STX8: variants seen among roughly 807,000 people sequenced by gnomAD.
STX8 encodes the protein syntaxin 8, also known as syntaxin-8.
In STX8, 23 loss-of-function variants were observed where a neutral mutation model predicts 37.5. The ratio of observed to expected loss-of-function variants is 0.61; its 90% CI spans 0.44 to 0.87. STX8 has a LOEUF of 0.87. Among genes scored for constraint, STX8 ranks in the 40% least tolerant of loss-of-function variants. The pLI, the probability that STX8 is intolerant of heterozygous loss-of-function variation, is 0.00. For synonymous variants in STX8, 115 were observed against 99.1 expected, an observed-to-expected ratio of 1.16 and a Z score of -0.95; for missense variants, 313 against 284.7, an observed-to-expected ratio of 1.10 and a Z score of -0.71.
intron 6 of STX8, among the ~76,000 whole-genome samples, chr17:9,465,268 T>G (rs1277770757): frequency 6.6e-6 from 1 of 152,122 alleles, no homozygotes; most frequent in African/African-American, 2.4e-5. Flanking sequence ...GTGTTATAGC[T>G]AAACAGAAAG....
intron 6 of STX8, among the ~76,000 whole-genome samples, chr17:9,430,112 TATAA>T (rs1377554551): frequency 4.0e-4 from 36 of 89,008 alleles, no homozygotes; most frequent in South Asian, 8.7e-4. Flanking sequence ...ATATTTTATA[TATAA>T]ATAAATATAA....
At chr17:9,296,379 T>A (rs1479769953) in intron 7 of STX8, among the ~76,000 whole-genome samples, 1 of 151,852 alleles carries the variant, frequency 6.6e-6, no homozygotes, top group Non-Finnish European at 1.5e-5. Flanking sequence ...GTGCCTGTAA[T>A]CCCAGCTACT....
intron 6 of STX8, among the ~76,000 whole-genome samples, chr17:9,433,319 C>G (rs772327596): frequency 6.6e-6 from 1 of 152,176 alleles, no homozygotes; most frequent in Non-Finnish European, 1.5e-5. Context: ...ATCAGCAAAA[C>G]GGAAATAGTA....
chr17:9,324,118 TCTCTCTCTCACA>T (rs1567783644), intron 7 of STX8, among the ~76,000 whole-genome samples: 171 of 133,966 alleles, frequency 1.3e-3, no homozygotes, highest in African/African-American at 4.4e-3. Context: ...TGTCTCTCTC[TCTCTCTCTCACA>T]CACACACACA....
At chr17:9,339,563 G>T (rs924387453) in intron 7 of STX8, among the ~76,000 whole-genome samples, 1 of 152,006 alleles carries the variant, frequency 6.6e-6, no homozygotes, top group African/African-American at 2.4e-5. Context: ...CTGAGGCAGG[G>T]GAATTCCTTG....
chr17:9,430,155 A>AATATAAAATATATATAATTTAT (rs2142369410), intron 6 of STX8, among the ~76,000 whole-genome samples: 1 of 111,762 alleles, frequency 8.9e-6, no homozygotes, highest in African/African-American at 3.5e-5. Context: ...TTATATATAA[A>AATATAAAATATATATAATTTAT]ATATAAAATA....
rs1909655725 is a variant in STX8 at position 9,323,804 on chromosome 17, T to C, written c.643+54748A>G. Reference sequence around the variant, plus strand: ...GATTAGCAGGAGTTGGCAGAGTCCATATGCTGGGCATTCAAGGAGTTAGGC... The same window carrying C: ...GATTAGCAGGAGTTGGCAGAGTCCACATGCTGGGCATTCAAGGAGTTAGGC... On this transcript the variant is annotated intron_variant, in intron 7 of 7. Transcript: ENST00000306357. Among the ~76,000 whole-genome samples, 12 of 152,114 alleles carry C rather than the reference T, an allele frequency of 7.9e-5. No homozygotes were observed. The South Asian group carries it at 2.3e-3, about 29-fold the overall frequency.
At chr17:9,274,665 G>C (rs1055260121) in intron 7 of STX8, among the ~76,000 whole-genome samples, 1 of 128,670 alleles carries the variant, frequency 7.8e-6, no homozygotes, top group Non-Finnish European at 1.6e-5. Flanking sequence ...AACAGTGTGA[G>C]ACTCTGTCTC....
chr17:9,427,928 C>G (rs1913698997), intron 6 of STX8, among the ~76,000 whole-genome samples: 1 of 152,128 alleles, frequency 6.6e-6, no homozygotes. Flanking sequence ...CTCCTCTGGC[C>G]AAAGAAAAAC....
intron 6 of STX8, among the ~76,000 whole-genome samples, chr17:9,460,442 A>G (rs535048465): frequency 1.3e-5 from 2 of 152,218 alleles, no homozygotes; most frequent in South Asian, 2.1e-4. Flanking sequence ...GGAGTCCGAG[A>G]CAGGTGGATC....
chr17:9,519,182 T>G (rs751111194), intron 4 of STX8, among the ~76,000 whole-genome samples: 2 of 152,134 alleles, frequency 1.3e-5, no homozygotes, highest in Admixed American at 6.5e-5. Context: ...CCATAATATC[T>G]CCCTACAGGT....
rs1567773804 is a variant in STX8, at chr17:9,298,843, C to CA, written c.644-48199dup. Among the ~76,000 whole-genome samples, 1,410 of 151,144 alleles carry CA rather than the reference C, an allele frequency of 9.3e-3. 28 individuals are homozygous for CA. The highest frequency in any genetic ancestry group is 0.031 in the African/African-American group (1,265 of 41,088). ...CAAACAAAACAAAACAAAACAAAAC[C>CA]AAACCAAACCTGAGTAGCATCTGTC... On this transcript the variant is annotated intron_variant, in intron 7 of 7. Transcript: ENST00000306357.
rs57516188 is a variant in STX8, at chr17:9,497,624, A to G, written c.449-5703T>C. ...TACTATTACACGTTTGAAATTTTCCATAGTAAAAAGTTATCAATATTTTAA... is the reference window on the plus strand; with the variant it reads ...TACTATTACACGTTTGAAATTTTCCGTAGTAAAAAGTTATCAATATTTTAA... On this transcript the variant is annotated intron_variant, in intron 5 of 7. Coordinates refer to ENST00000306357, the MANE Select transcript of STX8 (RefSeq NM_004853.3). Among the ~76,000 whole-genome samples the G allele has an allele frequency of 4.7e-3, 712 of 152,298 alleles. 10 individuals carry two copies. Among genetic ancestry groups the G allele is most frequent in the East Asian group, 0.043 (223 of 5,186 alleles).
At chr17:9,483,784 C>T (rs1275747444) in intron 6 of STX8, among the ~76,000 whole-genome samples, 6 of 152,170 alleles carry the variant, frequency 3.9e-5, no homozygotes, top group Non-Finnish European at 5.9e-5. Flanking sequence ...CTCTGGTTCC[C>T]GGTGTGTCAC....
At chr17:9,293,907 A>G (rs943449540) in intron 7 of STX8, among the ~76,000 whole-genome samples, 49 of 150,062 alleles carry the variant, frequency 3.3e-4, no homozygotes, top group East Asian at 1.2e-3. Flanking sequence ...GACTACAGGC[A>G]CCCGCCACCA....
chr17:9,505,296 G>T, intron 4 of STX8, 134 bp from the exon 5 acceptor site: 2 of 956,528 alleles, frequency 2.1e-6, no homozygotes, highest in Non-Finnish European at 3.0e-6. Flanking sequence ...TGCATCATTA[G>T]TTTATGCCAG....
chr17:9,406,147 T>C (rs1342068288), intron 6 of STX8, among the ~76,000 whole-genome samples: 1 of 152,230 alleles, frequency 6.6e-6, no homozygotes, highest in African/African-American at 2.4e-5. Flanking sequence ...TTGTGGGCAA[T>C]TGTAGCTGCA....
chr17:9,489,710 A>C (rs1390380106), intron 6 of STX8, among the ~76,000 whole-genome samples: 2 of 22,686 alleles, frequency 8.8e-5, no homozygotes, highest in Non-Finnish European at 4.1e-4. Flanking sequence ...TTTTTTTGAG[A>C]TGGATTGTCA....
chr17:9,296,662 T>C (rs1908561237), intron 7 of STX8, among the ~76,000 whole-genome samples: 1 of 150,952 alleles, frequency 6.6e-6, no homozygotes, highest in Non-Finnish European at 1.5e-5. Context: ...AGGGCATTTC[T>C]AGATAGCGAA....
Sources: gnomAD v4.1 joint callset for allele counts (sites outside exome capture counted in the v4.1 genomes callset) on GRCh38, gnomAD v4.1.1 for gene constraint, MANE v1.5 for transcripts, NCBI Gene and HGNC (gene_info 2026-07-23, HGNC 2026-07-21) for gene names.